The following ABCA1 variants were observed in gnomAD, a reference collection of about 807,000 sequenced individuals.
ABCA1 encodes phospholipid-transporting ATPase ABCA1.
A neutral mutation model predicts 262.5 loss-of-function variants in ABCA1; 133 were observed. The ratio of observed to expected loss-of-function variants is 0.51; its 90% CI spans 0.44 to 0.59. The LOEUF (loss-of-function observed/expected upper bound fraction) is 0.59, where lower values mean the gene tolerates loss of function less well. ABCA1 is among the 20% of genes least tolerant of loss of function. ABCA1 has a pLI of 0.00. For synonymous variants in ABCA1, 1,022 were observed against 1,043.5 expected, an observed-to-expected ratio of 0.98 and a Z score of 0.40; for missense variants, 2,452 against 2,777.5, an observed-to-expected ratio of 0.88 and a Z score of 2.63.
Position 104,840,199 on chromosome 9 carries a change from G to T in ABCA1, c.1054+80C>A, listed in dbSNP as rs968197968. ...TAGACATCTAACGCTGCTACAGAGG[G>T]AGGAGATGACACAGGCCAAGGCCAG... On this transcript the variant is annotated intron_variant, in intron 9 of 49. Coordinates refer to ENST00000374736, the MANE Select transcript of ABCA1 (RefSeq NM_005502.4). 7 of 1,610,322 alleles carry T rather than the reference G, an allele frequency of 4.3e-6. No homozygotes were observed. The South Asian group carries it at 6.6e-5, about 15-fold the overall frequency.
chr9:104,810,792 A>C lies in ABCA1; in HGVS notation c.4175+8T>G. ...TACCCCCTCCTGGGATGTAGAAGAC[A>C]AACATACCTGACAAATGTGTACTGT... On this transcript the variant is annotated splice_region_variant and intron_variant, in intron 29 of 49. Coordinates refer to ENST00000374736, the MANE Select transcript of ABCA1 (RefSeq NM_005502.4). The C allele has an allele frequency of 1.9e-6, 3 of 1,614,226 alleles. No homozygotes were observed. The highest frequency in any genetic ancestry group is 2.5e-6 in the Non-Finnish European group (3 of 1,180,026).
intron 1 of ABCA1, among the ~76,000 whole-genome samples, chr9:104,926,613 G>A (rs1826358786): frequency 6.6e-6 from 1 of 152,038 alleles, no homozygotes. Context: ...CCTCCGGCCA[G>A]GAGGCGCTGC....
intron 2 of ABCA1, among the ~76,000 whole-genome samples, chr9:104,897,095 A>G (rs1359716465): frequency 6.6e-6 from 1 of 152,188 alleles, no homozygotes; most frequent in East Asian, 1.9e-4. Flanking sequence ...TATTTATTAA[A>G]TAATCACTGG....
intron 1 of ABCA1, among the ~76,000 whole-genome samples, chr9:104,924,011 C>T (rs2487051): frequency 0.19 from 28,703 of 152,080 alleles, 3,113 homozygotes; most frequent in South Asian, 0.34. Flanking sequence ...AGCTGCACTC[C>T]ACCCTGTGCA....
intron 30 of ABCA1, among the ~76,000 whole-genome samples, chr9:104,807,924 T>C (rs866571859): frequency 5.9e-5 from 9 of 151,552 alleles, no homozygotes; most frequent in African/African-American, 1.9e-4. Context: ...ATTGTTTTCT[T>C]ATGTATTAAA....
intron 6 of ABCA1, among the ~76,000 whole-genome samples, 156 bp from the exon 7 acceptor site, chr9:104,858,854 C>G (rs1305930268): frequency 1.3e-5 from 2 of 152,214 alleles, no homozygotes; most frequent in African/African-American, 4.8e-5. Flanking sequence ...GGTCTCTTTA[C>G]TGAAACTCAG....
chr9:104,822,684 G>A lies in ABCA1; in HGVS notation c.2657-17C>T, dbSNP rs754561663. The A allele has an allele frequency of 6.2e-7, 1 of 1,613,714 alleles. No homozygotes were observed. The highest frequency in any genetic ancestry group is 8.5e-7 in the Non-Finnish European group (1 of 1,179,954). On this transcript the variant is annotated splice_polypyrimidine_tract_variant and intron_variant, in intron 18 of 49. Transcript: ENST00000374736. ...CCATGCAGACTGTGACAGGAGAGAA[G>A]ACAGAAATGAACCCACAGAAAGCAC... is the stretch of plus-strand genomic sequence containing the variant.
intron 14 of ABCA1, 82 bp from the exon 15 acceptor site, chr9:104,829,220 T>C: frequency 1.4e-6 from 2 of 1,392,470 alleles, no homozygotes; most frequent in Non-Finnish European, 2.0e-6. Flanking sequence ...TGAGCCTGCA[T>C]GCTAGAGGGA....
At chr9:104,824,424 G>A in intron 18 of ABCA1, 41 bp downstream of exon 18, 1 of 1,613,144 alleles carries the variant, frequency 6.2e-7, no homozygotes, top group Non-Finnish European at 8.5e-7. Context: ...AGAGGCAGCA[G>A]CACTAGGTTA....
intron 2 of ABCA1, among the ~76,000 whole-genome samples, chr9:104,895,228 CAA>C (rs899376574): frequency 6.6e-6 from 1 of 152,210 alleles, no homozygotes; most frequent in Non-Finnish European, 1.5e-5. Context: ...CGTTTCTCAC[CAA>C]AGTCAAAGCT....
intron 28 of ABCA1, among the ~76,000 whole-genome samples, chr9:104,811,542 T>C (rs78634827): frequency 0.011 from 1,696 of 152,306 alleles, 32 homozygotes; most frequent in African/African-American, 0.036. Flanking sequence ...CTCCTAAGAC[T>C]TTCTACCATA....
chr9:104,822,804 G>T (rs942592724), intron 18 of ABCA1, 137 bp from the exon 19 acceptor site: 4 of 963,168 alleles, frequency 4.2e-6, no homozygotes, highest in South Asian at 2.7e-5. Context: ...CAGGCAGGAG[G>T]CTATAAATGT....
intron 8 of ABCA1, among the ~76,000 whole-genome samples, chr9:104,841,587 G>C (rs1834377475): frequency 6.6e-6 from 1 of 152,136 alleles, no homozygotes; most frequent in African/African-American, 2.4e-5. Flanking sequence ...ACACAACTTG[G>C]CTTGGTTTTG....
chr9:104,806,142 C>A, intron 31 of ABCA1, 99 bp downstream of exon 31: 1 of 1,252,710 alleles, frequency 8.0e-7, no homozygotes, highest in Non-Finnish European at 1.1e-6. Context: ...CTGAAACAGA[C>A]CCTCCCAACA....
chr9:104,870,768 G>C (rs1837535747), intron 5 of ABCA1, among the ~76,000 whole-genome samples: 1 of 152,136 alleles, frequency 6.6e-6, no homozygotes, highest in Non-Finnish European at 1.5e-5. Flanking sequence ...AAGAGAGTCA[G>C]CAAAGGGAGA....
At chr9:104,839,540 C>T (rs1588366352) in intron 9 of ABCA1, among the ~76,000 whole-genome samples, 1 of 145,552 alleles carries the variant, frequency 6.9e-6, no homozygotes, top group Admixed American at 6.9e-5. Context: ...GTTGTTGTTG[C>T]TATTATCATT....
chr9:104,840,338 G>A lies in ABCA1; in HGVS notation c.995C>T (p.Ala332Val). 5.0e-6 allele frequency: 8 copies of A among 1,614,198 alleles called. No homozygotes were observed. Among genetic ancestry groups the A allele is most frequent in the Non-Finnish European group, 5.9e-6 (7 of 1,180,052 alleles). ...CTCAGTGCCATTGCCTCCAAAGAGG[G>A]CTTTGTAGTTGTTGTCCTCATACCA... ...LNWYEDNNYK[A>V]LFGGNGTEED... Residue 332 changes from alanine (A) to valine (V), a missense_variant, in exon 9 of 50, where the codon GCC (alanine) becomes GTC (valine). Around this residue, in one of 4 missense-constraint regions of ABCA1, gnomAD observed 1,032 missense variants for 1,089.7 expected, o/e 0.95. Coordinates refer to ENST00000374736, the MANE Select transcript of ABCA1 (RefSeq NM_005502.4).
chr9:104,791,882 T>G, intron 43 of ABCA1, 54 bp downstream of exon 43: 1 of 1,558,612 alleles, frequency 6.4e-7, no homozygotes, highest in Non-Finnish European at 8.8e-7. Context: ...CTTGATTGGG[T>G]AGAGATAGTC....
chr9:104,871,846 G>A (rs548993870), intron 5 of ABCA1, among the ~76,000 whole-genome samples: 1 of 152,176 alleles, frequency 6.6e-6, no homozygotes, highest in Admixed American at 6.5e-5. Flanking sequence ...AGTTCCCAAG[G>A]ATGAGCTGGT....
Sources: gnomAD v4.1 joint callset for allele counts (sites outside exome capture counted in the v4.1 genomes callset) on GRCh38, gnomAD v4.1.1 for gene constraint, gnomAD v4.1.1 regional missense constraint, MANE v1.5 for transcripts, NCBI Gene and HGNC (gene_info 2026-07-23, HGNC 2026-07-21) for gene names.